The following RSL24D1 variants were observed in gnomAD, a reference collection of about 807,000 sequenced individuals.
The protein encoded by RSL24D1 is ribosomal L24 domain containing 1, also known as probable ribosome biogenesis protein RLP24.
A neutral mutation model predicts 26.2 loss-of-function variants in RSL24D1; 6 were observed. The ratio of observed to expected loss-of-function variants is 0.23; its 90% confidence interval spans 0.13 to 0.45. RSL24D1 has a LOEUF of 0.45. Among genes scored for constraint, RSL24D1 ranks in the 20% least tolerant of loss-of-function variants. The pLI, the probability that RSL24D1 is intolerant of heterozygous loss-of-function variation, is 0.99. For missense variants in RSL24D1, 176 were observed against 202.6 expected (o/e 0.87, Z 0.80); for synonymous variants, 61 against 59.1 (o/e 1.03, Z -0.15).
At chr15:55,192,210 G>A (rs751125820) in intron 2 of RSL24D1, among the ~76,000 whole-genome samples, 21 of 152,226 alleles carry the variant, frequency 1.4e-4, no homozygotes, top group Admixed American at 1.3e-4. Context: ...ACTGAACGTG[G>A]ACAGCTTCAA....
intron 3 of RSL24D1, among the ~76,000 whole-genome samples, chr15:55,188,296 C>G (rs1894245722): frequency 6.6e-6 from 1 of 152,198 alleles, no homozygotes; most frequent in South Asian, 2.1e-4. Flanking sequence ...ATTCCAAAGA[C>G]TCTCATACTA....
chr15:55,182,248 A>C (rs778547752), intron 5 of RSL24D1, 23 bp from the exon 6 acceptor site: 1 of 1,418,276 alleles, frequency 7.1e-7, no homozygotes. Context: ...TAAGTAAAAA[A>C]TAAACAACTT....
In RSL24D1 at chr15:55,181,946, T is replaced by G. The variant is rs1053282233; in HGVS notation, c.*206A>C. ...ACAAGTAGAATTTTCATGATTTACT[T>G]AAGTACATCTATCAGTAAAGATTTA... On this transcript the variant is annotated 3_prime_UTR_variant, in exon 6 of 6. Transcript: ENST00000260443. The G allele has an allele frequency of 6.2e-6, 3 of 484,068 alleles. No homozygotes were observed. Among genetic ancestry groups the G allele is most frequent in the African/African-American group, 3.9e-5 (2 of 51,840 alleles). 30.0% of individuals were successfully genotyped at this position (484,068 alleles called of 1,614,324 possible).
At chr15:55,188,164 T>G (rs1894243919) in intron 3 of RSL24D1, among the ~76,000 whole-genome samples, 1 of 152,192 alleles carries the variant, frequency 6.6e-6, no homozygotes, top group Non-Finnish European at 1.5e-5. Context: ...ATAGACCAAA[T>G]GATACTGAAA....
At position 55,196,659 on chromosome 15, in the gene RSL24D1, G is replaced by A. The variant is rs1894361989; in HGVS notation, c.81+151C>T. On this transcript the variant is annotated intron_variant, in intron 1 of 5. Transcript: ENST00000260443. ...AGAAACCCCCGAAGCGGAACGTTGA[G>A]AACGGAGGCCCAGTTAAGCCACCCT... 4.1e-5 allele frequency: 28 copies of A among 680,146 alleles called. No individual in the cohort carries two copies. In the South Asian group the frequency reaches 5.0e-4, roughly 12 times the overall value. The allele number at this position is 680,146 out of a possible 1,614,324, so 42.1% of individuals were successfully genotyped here. A position where few individuals can be genotyped will look rare whatever the true frequency, so the allele number is the denominator to read the frequency against.
At chr15:55,192,907 C>CA (rs1023648458) in intron 1 of RSL24D1, 74 bp from the exon 2 acceptor site, 5 of 891,184 alleles carry the variant, frequency 5.6e-6, no homozygotes, top group Admixed American at 2.1e-5. Context: ...CCCTGCTAGA[C>CA]AAAAAATACT....
chr15:55,188,452 T>G (rs1469921927), intron 3 of RSL24D1, among the ~76,000 whole-genome samples: 2 of 152,048 alleles, frequency 1.3e-5, no homozygotes, highest in East Asian at 3.8e-4. Context: ...GATGTATAAA[T>G]GTGGGGGGCA....
intron 3 of RSL24D1, among the ~76,000 whole-genome samples, chr15:55,189,587 A>G (rs1383696733): frequency 6.6e-6 from 1 of 152,186 alleles, no homozygotes; most frequent in Non-Finnish European, 1.5e-5. Flanking sequence ...TTCTTAAAAC[A>G]TAAAGAGATT....
At chr15:55,182,629 T>A (rs1894180935) in intron 5 of RSL24D1, among the ~76,000 whole-genome samples, 1 of 152,176 alleles carries the variant, frequency 6.6e-6, no homozygotes, top group Non-Finnish European at 1.5e-5. Context: ...ATAACAATGG[T>A]TCATTTCTGG....
In RSL24D1 at chr15:55,196,791, C is replaced by T. The variant is rs369110721; in HGVS notation, c.81+19G>A. The T allele has an allele frequency of 1.1e-5, 17 of 1,613,670 alleles. No homozygotes were observed. Among genetic ancestry groups the T allele is most frequent in the Non-Finnish European group, 1.4e-5 (16 of 1,179,568 alleles). ...CGCGGGAGCTAGGCTGAAGCAAGAA[C>T]TGGTGTCGACCGCCTTACCTTGCAA... On this transcript the variant is annotated intron_variant, in intron 1 of 5. Coordinates refer to ENST00000260443, the MANE Select transcript of RSL24D1 (RefSeq NM_016304.3).
intron 1 of RSL24D1, among the ~76,000 whole-genome samples, chr15:55,193,060 A>G (rs1228628080): frequency 2.0e-5 from 3 of 152,224 alleles, no homozygotes; most frequent in Non-Finnish European, 4.4e-5. Context: ...AATCATTTAT[A>G]TAGAATAACA....
chr15:55,192,128 G>A (rs1001190004), intron 2 of RSL24D1, among the ~76,000 whole-genome samples: 2 of 152,174 alleles, frequency 1.3e-5, no homozygotes, highest in African/African-American at 4.8e-5. Flanking sequence ...CATGGATGGA[G>A]AGGACAGTTT....
chr15:55,193,164 T>G (rs939784053), intron 1 of RSL24D1, among the ~76,000 whole-genome samples: 1 of 152,208 alleles, frequency 6.6e-6, no homozygotes, highest in Non-Finnish European at 1.5e-5. Context: ...TTCACTGTCT[T>G]TATACCTCAA....
Position 55,182,038 on chromosome 15 carries a change from CTTT to C in RSL24D1, c.*111_*113del, listed in dbSNP as rs1894172826. The stretch of plus-strand genomic sequence containing the variant: ...GTAGATGGCAATGCAGGAAAGATGT[CTTT>C]TAATCGCTTTTCATTTAAGTGACCT... On this transcript the variant is annotated 3_prime_UTR_variant, in exon 6 of 6. Coordinates refer to ENST00000260443, the MANE Select transcript of RSL24D1 (RefSeq NM_016304.3). 1.5e-6 allele frequency: 1 copy of C among 649,964 alleles called. No homozygotes were observed. The highest frequency in any genetic ancestry group is 2.7e-6 in the Non-Finnish European group (1 of 365,530). The allele number at this position is 649,964 out of a possible 1,614,324, so 40.3% of individuals were successfully genotyped here.
At chr15:55,192,252 T>A (rs1029784096) in intron 2 of RSL24D1, among the ~76,000 whole-genome samples, 1 of 152,286 alleles carries the variant, frequency 6.6e-6, no homozygotes, top group Non-Finnish European at 1.5e-5. Flanking sequence ...TATAACAATA[T>A]AATGATAGAG....
At chr15:55,195,174 G>A (rs1017297712) in intron 1 of RSL24D1, 19 of 151,986 alleles carry the variant, frequency 1.3e-4, no homozygotes, top group African/African-American at 4.4e-4. Context: ...AGATACAAAA[G>A]GTGAAAAGAT....
intron 3 of RSL24D1, among the ~76,000 whole-genome samples, chr15:55,187,630 G>T (rs1032289008): frequency 6.6e-6 from 1 of 152,120 alleles, no homozygotes; most frequent in African/African-American, 2.4e-5. Flanking sequence ...TATTCTAAAT[G>T]AAGTAACCCA....
At chr15:55,194,237 T>C (rs982021983) in intron 1 of RSL24D1, 2 of 152,180 alleles carry the variant, frequency 1.3e-5, no homozygotes, top group African/African-American at 2.4e-5. Context: ...AGAGCATCTA[T>C]GTGCCTGATG....
chr15:55,185,385 G>A lies in RSL24D1; in HGVS notation c.309C>T (p.Arg103=). Residue 103 remains arginine, a synonymous_variant, in exon 4 of 6, where the codon CGC becomes CGT. Transcript: ENST00000260443. The part of the protein sequence containing the change: ...MKRVEEIKQK[R]QAKFIMNRLK... ...ACCTGTTCATTATAAATTTAGCTTGGCGCTTCTGTTTGATTTCTTCAACTC... is the reference window on the plus strand; with the variant it reads ...ACCTGTTCATTATAAATTTAGCTTGACGCTTCTGTTTGATTTCTTCAACTC... 1 of 1,607,550 alleles carries A rather than the reference G, an allele frequency of 6.2e-7. No homozygotes were observed. The highest frequency in any genetic ancestry group is 8.5e-7 in the Non-Finnish European group (1 of 1,177,786).
Sources: gnomAD v4.1 joint callset for allele counts (sites outside exome capture counted in the v4.1 genomes callset) on GRCh38, gnomAD v4.1.1 for gene constraint, MANE v1.5 for transcripts, NCBI Gene and HGNC (gene_info 2026-07-23, HGNC 2026-07-21) for gene names.